The following DLGAP2 variants were observed in gnomAD, a reference collection of about 807,000 sequenced individuals.
DLGAP2 encodes the protein DLG associated protein 2.
Under a neutral mutation model 100.3 loss-of-function variants are expected in DLGAP2, and 26 were observed. The ratio of observed to expected loss-of-function variants is 0.26; its 90% CI spans 0.19 to 0.36. The LOEUF (loss-of-function observed/expected upper bound fraction) is 0.36, where lower values mean the gene tolerates loss of function less well. Among genes scored for constraint, DLGAP2 ranks in the 10% least tolerant of loss-of-function variants. The pLI, the probability that DLGAP2 is intolerant of heterozygous loss-of-function variation, is 1.00. For synonymous variants in DLGAP2, 886 were observed against 630.1 expected, an observed-to-expected ratio of 1.41 and a Z score of -6.08; for missense variants, 1,858 against 1,453.2, an observed-to-expected ratio of 1.28 and a Z score of -4.53.
chr8:962,504 G>A (rs1341501971), intron 2 of DLGAP2, among the ~76,000 whole-genome samples: 1 of 152,140 alleles, frequency 6.6e-6, no homozygotes, highest in Non-Finnish European at 1.5e-5. Flanking sequence ...GCTGGGGTGG[G>A]CGCCTTGAGG....
At chr8:1,180,980 G>A (rs112603314) in intron 2 of DLGAP2, among the ~76,000 whole-genome samples, 1 of 43,272 alleles carries the variant, frequency 2.3e-5, no homozygotes, top group African/African-American at 9.5e-5. Context: ...TACACTTACT[G>A]TCGAGTGTGG....
chr8:997,535 C>T (rs1380398786), intron 2 of DLGAP2, among the ~76,000 whole-genome samples: 1 of 152,050 alleles, frequency 6.6e-6, no homozygotes, highest in Non-Finnish European at 1.5e-5. Flanking sequence ...TGTAGAAGCA[C>T]TTCATTAAAC....
At chr8:994,849 C>G (rs1410876564) in intron 2 of DLGAP2, among the ~76,000 whole-genome samples, 1 of 152,166 alleles carries the variant, frequency 6.6e-6, no homozygotes, top group Admixed American at 6.5e-5. Flanking sequence ...CTCCAGTTTA[C>G]GGACTGCTGG....
chr8:1,304,770 G>T (rs140505816), intron 3 of DLGAP2, among the ~76,000 whole-genome samples: 1 of 152,234 alleles, frequency 6.6e-6, no homozygotes, highest in African/African-American at 2.4e-5. Context: ...TGAACATTTT[G>T]GGGTCCTGTA....
At chr8:988,706 G>T (rs1273145950) in intron 2 of DLGAP2, among the ~76,000 whole-genome samples, 2 of 152,068 alleles carry the variant, frequency 1.3e-5, no homozygotes, top group African/African-American at 4.8e-5. Flanking sequence ...TTCCCTGCCT[G>T]CCCTGTCCAC....
intron 6 of DLGAP2, among the ~76,000 whole-genome samples, chr8:1,584,049 G>A (rs1796035674): frequency 6.6e-6 from 1 of 152,014 alleles, no homozygotes; most frequent in African/African-American, 2.4e-5. Context: ...TCTACCACAT[G>A]CCTGTTTGCT....
At chr8:1,613,638 A>G (rs1282026420) in intron 6 of DLGAP2, among the ~76,000 whole-genome samples, 2 of 152,230 alleles carry the variant, frequency 1.3e-5, no homozygotes, top group East Asian at 1.9e-4. Flanking sequence ...GCCTTCATAA[A>G]TGATGCCCAG....
At position 1,156,253 on chromosome 8, in the gene DLGAP2, TCTC is replaced by T. The variant is rs1796783376; in HGVS notation, c.74-102589_74-102587del. On this transcript the variant is annotated intron_variant, in intron 2 of 14. Coordinates refer to ENST00000637795, the MANE Select transcript of DLGAP2 (RefSeq NM_001346810.2). ...ACCTGAAACCCAGGACCCGGGTAGG[TCTC>T]CTCCTCCTTCCCGTTTTGGCGCTGC... Among the ~76,000 whole-genome samples, 6 of 151,940 alleles carry T rather than the reference TCTC, an allele frequency of 3.9e-5. No homozygotes were observed. In the South Asian group the frequency reaches 1.0e-3, roughly 26 times the overall value.
chr8:1,269,797 C>G (rs1213047452), intron 3 of DLGAP2, among the ~76,000 whole-genome samples: 1 of 152,136 alleles, frequency 6.6e-6, no homozygotes, highest in Non-Finnish European at 1.5e-5. Context: ...TAGACACTGA[C>G]ATTGTATTTT....
chr8:1,602,164 C>T (rs1796648433), intron 6 of DLGAP2, among the ~76,000 whole-genome samples: 1 of 152,174 alleles, frequency 6.6e-6, no homozygotes, highest in Admixed American at 6.5e-5. Flanking sequence ...GCATCATTCA[C>T]AACACATATT....
At chr8:1,227,153 G>GATAGATATATATATATATAGATATAT (rs796173465) in intron 2 of DLGAP2, among the ~76,000 whole-genome samples, 1 of 89,750 alleles carries the variant, frequency 1.1e-5, no homozygotes, top group Non-Finnish European at 2.0e-5. Context: ...GAAACTGTGA[G>GATAGATATATATATATATAGATATAT]ATATATATAT....
At chr8:951,943 G>A (rs1799489893) in intron 2 of DLGAP2, among the ~76,000 whole-genome samples, 1 of 152,242 alleles carries the variant, frequency 6.6e-6, no homozygotes, top group Admixed American at 6.5e-5. Flanking sequence ...AAGGGGATGA[G>A]TTCTGGGCAT....
chr8:1,508,130 T>TA (rs1328289200), intron 4 of DLGAP2, among the ~76,000 whole-genome samples: 1 of 151,874 alleles, frequency 6.6e-6, no homozygotes, highest in Non-Finnish European at 1.5e-5. Context: ...CCTTTAAAGT[T>TA]AGACACATCT....
At chr8:1,004,557 C>CAAG (rs1424956011) in intron 2 of DLGAP2, among the ~76,000 whole-genome samples, 2 of 152,188 alleles carry the variant, frequency 1.3e-5, no homozygotes. Context: ...CCTCACGACT[C>CAAG]TCTTGAGTTT....
intron 5 of DLGAP2, among the ~76,000 whole-genome samples, chr8:1,562,680 C>T (rs1402129861): frequency 1.5e-4 from 6 of 40,514 alleles, no homozygotes; most frequent in African/African-American, 3.9e-4. Flanking sequence ...GGGGTGTCCG[C>T]GCCTCATTAC....
intron 2 of DLGAP2, among the ~76,000 whole-genome samples, chr8:1,190,581 C>A (rs1047979188): frequency 6.6e-6 from 1 of 152,190 alleles, no homozygotes; most frequent in Admixed American, 6.5e-5. Flanking sequence ...CTGCGAGCCG[C>A]CTGTCGCAAT....
At chr8:999,710 A>C (rs1178609143) in intron 2 of DLGAP2, among the ~76,000 whole-genome samples, 1 of 151,362 alleles carries the variant, frequency 6.6e-6, no homozygotes, top group Non-Finnish European at 1.5e-5. Flanking sequence ...CAATCTCTTG[A>C]CCTCGTGATC....
At chr8:1,571,737 G>A (rs537776108) in intron 6 of DLGAP2, among the ~76,000 whole-genome samples, 99 of 141,304 alleles carry the variant, frequency 7.0e-4, no homozygotes, top group African/African-American at 2.0e-3. Context: ...CTGATGAGAT[G>A]GAGAGGAGAG....
intron 2 of DLGAP2, among the ~76,000 whole-genome samples, chr8:1,220,158 T>C (rs1047824372): frequency 2.7e-4 from 41 of 152,250 alleles, no homozygotes; most frequent in African/African-American, 9.1e-4. Flanking sequence ...ACCTTTGGGT[T>C]AGGTTTGCTC....
Sources: allele counts gnomAD v4.1 joint callset (sites outside exome capture counted in the v4.1 genomes callset), GRCh38; gene constraint gnomAD v4.1.1; transcripts MANE v1.5; gene names NCBI Gene and HGNC (gene_info 2026-07-23, HGNC 2026-07-21).